HIPK1: variants seen among roughly 807,000 people sequenced by gnomAD.
HIPK1 encodes the protein homeodomain-interacting protein kinase 1.
In HIPK1, 28 loss-of-function variants were observed where a neutral mutation model predicts 117.1. That is an observed-to-expected ratio of 0.24 (90% CI 0.18 to 0.33). The LOEUF is 0.33. Among genes scored for constraint, HIPK1 ranks in the 10% least tolerant of loss-of-function variants. The pLI, the probability that HIPK1 is intolerant of heterozygous loss-of-function variation, is 1.00. For synonymous variants in HIPK1, 605 were observed against 562.5 expected (o/e 1.08, Z -1.07); for missense variants, 1,122 against 1,475.1 (o/e 0.76, Z 3.92).
chr1:113,956,745 C>T lies in HIPK1; in HGVS notation c.1526C>T (p.Pro509Leu), dbSNP rs1478618600. The T allele has an allele frequency of 1.9e-6, 3 of 1,613,814 alleles. No homozygotes were observed. The highest frequency in any genetic ancestry group is 2.5e-6 in the Non-Finnish European group (3 of 1,179,858). Reference sequence around the variant, plus strand: ...ATTGATGCAGATAAGAGAATTACCCCTCTAAAAACTCTTAACCATCAGTTT... The same window carrying T: ...ATTGATGCAGATAAGAGAATTACCCTTCTAAAAACTCTTAACCATCAGTTT... ...LTIDADKRITPLKTLNHQFVT... is the reference protein window; with the variant it reads ...LTIDADKRITLLKTLNHQFVT... The change falls in exon 6 of 16, where the codon CCT (proline) becomes CTT (leucine). Residue 509 changes from proline (P) to leucine (L), a missense_variant. Pro to Leu is a moderately conservative substitution (Grantham distance 98). This residue lies in a region of HIPK1 where 731 missense variants were observed against 860.4 expected (regional missense o/e 0.85). Transcript: ENST00000426820.
intron 2 of HIPK1, among the ~76,000 whole-genome samples, chr1:113,945,047 C>A (rs575876001): frequency 6.6e-6 from 1 of 151,870 alleles, no homozygotes; most frequent in Admixed American, 6.6e-5. Context: ...CGGGGTTTCA[C>A]TGTGTTGCCC....
At chr1:113,971,183 A>G (rs1672800057) in intron 14 of HIPK1, among the ~76,000 whole-genome samples, 1 of 152,238 alleles carries the variant, frequency 6.6e-6, no homozygotes, top group Non-Finnish European at 1.5e-5. Flanking sequence ...CAGTTGTCCC[A>G]TTGCAGACAA....
At chr1:113,962,283 C>A in intron 8 of HIPK1, 34 bp from the exon 9 acceptor site, 1 of 1,607,256 alleles carries the variant, frequency 6.2e-7, no homozygotes, top group Non-Finnish European at 8.5e-7. Flanking sequence ...CCAGACCTTG[C>A]AAAACTATTT....
rs879766512 is a variant in HIPK1 at position 113,948,734 on chromosome 1, GT to G, written c.1077-4021del. On this transcript the variant is annotated intron_variant, in intron 2 of 15. Transcript: ENST00000426820. ...TGAAAAAACTTTCAGCTAATCTTCA[GT>G]TTTTTTTTTTAATTAAATGGGACTT... Among the ~76,000 whole-genome samples, 36 of 146,424 alleles carry G rather than the reference GT, an allele frequency of 2.5e-4. No homozygotes were observed. In the South Asian group the frequency reaches 3.7e-3, roughly 15 times the overall value.
At chr1:113,943,602 A>G (rs1670792876) in intron 2 of HIPK1, among the ~76,000 whole-genome samples, 1 of 152,216 alleles carries the variant, frequency 6.6e-6, no homozygotes, top group African/African-American at 2.4e-5. Flanking sequence ...TTGGTGTACA[A>G]GTATCCTAGT....
intron 14 of HIPK1, 140 bp from the exon 15 acceptor site, chr1:113,971,684 G>A (rs888850287): frequency 1.2e-5 from 8 of 666,808 alleles, no homozygotes; most frequent in Non-Finnish European, 1.9e-5. Flanking sequence ...GGTGATAACA[G>A]GTTATTTTCT....
At chr1:113,943,284 C>A (rs1481999281) in intron 2 of HIPK1, among the ~76,000 whole-genome samples, 1 of 152,224 alleles carries the variant, frequency 6.6e-6, no homozygotes, top group African/African-American at 2.4e-5. Context: ...CAATAACTCC[C>A]TATTCTCTCT....
rs544623879 is a variant in HIPK1 at position 113,969,811 on chromosome 1, A to G, written c.2772-145A>G. The G allele has an allele frequency of 8.7e-6, 7 of 808,216 alleles. No homozygotes were observed. In the East Asian group the frequency reaches 1.5e-4, roughly 17 times the overall value. 50.1% of individuals were successfully genotyped at this position (808,216 alleles called of 1,614,324 possible). A position where few individuals can be genotyped will look rare whatever the true frequency, so the allele number is the denominator to read the frequency against. ...AGTCCCAGCTACTCGGGAGGCTAAG[A>G]TGGGAGGATAGCTTGAGCCCAGGAG... On this transcript the variant is annotated intron_variant, in intron 13 of 15. Coordinates refer to ENST00000426820, the MANE Select transcript of HIPK1 (RefSeq NM_198268.3).
intron 2 of HIPK1, among the ~76,000 whole-genome samples, chr1:113,944,159 GTT>G (rs140161727): frequency 1.8e-4 from 10 of 55,226 alleles, no homozygotes; most frequent in African/African-American, 5.2e-4. Context: ...ATAGCCATGG[GTT>G]TTTTTTTTTT....
Position 113,941,420 on chromosome 1 carries a change from A to G in HIPK1, c.1037A>G (p.Lys346Arg). 1.2e-6 allele frequency: 2 copies of G among 1,614,178 alleles called. No individual in the cohort carries two copies. Among genetic ancestry groups the G allele is most frequent in the East Asian group, 2.2e-5 (1 of 44,890 alleles). Residue 346 changes from lysine to arginine, a missense_variant, in exon 2 of 16, where the codon AAA (lysine) becomes AGA (arginine). By Grantham distance (26) the Lys-to-Arg change is conservative. Transcript: ENST00000426820. This position sits in a 1 kb window ranked among gnomAD's most constrained non-coding sequence, Gnocchi z 4.9. Reference protein sequence around the residue: ...IDFGSASHVSKAVCSTYLQSR... With the variant: ...IDFGSASHVSRAVCSTYLQSR... ...TTTGGTTCTGCTAGTCACGTTTCCA[A>G]AGCTGTGTGCTCAACCTACTTACAG...
rs751726838 is a variant in HIPK1, at chr1:113,954,684, G to A, written c.1234G>A (p.Ala412Thr). The change falls in exon 4 of 16, where the codon GCT becomes ACT. Residue 412 changes from alanine to threonine, a missense_variant. By Grantham distance (58) the Ala-to-Thr change is moderately conservative (BLOSUM62 0). Around this residue, in one of 6 missense-constraint regions of HIPK1, gnomAD observed 127 missense variants for 197.9 expected, o/e 0.64. Transcript: ENST00000426820. Reference sequence around the variant, plus strand: ...TATTTCACAAACACAAGGCTTGCCAGCTGAATATCTTCTCAGTGCCGGAAC... The same window carrying A: ...TATTTCACAAACACAAGGCTTGCCAACTGAATATCTTCTCAGTGCCGGAAC... ...RYISQTQGLP[A>T]EYLLSAGTKT... The A allele has an allele frequency of 6.2e-7, 1 of 1,613,546 alleles. No individual in the cohort carries two copies. Among genetic ancestry groups the A allele is most frequent in the South Asian group, 1.1e-5 (1 of 91,064 alleles).
At chr1:113,962,183 T>G in intron 8 of HIPK1, 134 bp from the exon 9 acceptor site, 1 of 817,334 alleles carries the variant, frequency 1.2e-6, no homozygotes, top group East Asian at 2.8e-5. Context: ...TGAATGAAAC[T>G]TCTTTGTCTT....
At position 113,971,896 on chromosome 1, in the gene HIPK1, C is replaced by T. The variant is rs928764404; in HGVS notation, c.3086C>T (p.Thr1029Ile). ...GQSSGCCITPTGYRAQRGGTS... is the reference protein window; with the variant it reads ...GQSSGCCITPIGYRAQRGGTS... Reference sequence around the variant, plus strand: ...TCATCTGGATGCTGTATCACCCCCACAGGGTATCGAGCTCAACGCGGGGGG... The same window carrying T: ...TCATCTGGATGCTGTATCACCCCCATAGGGTATCGAGCTCAACGCGGGGGG... Residue 1029 changes from threonine to isoleucine, a missense_variant, in exon 15 of 16, where the codon ACA (threonine) becomes ATA (isoleucine). By Grantham distance (89) the Thr-to-Ile change is moderately conservative. This residue lies in a region of HIPK1 where 731 missense variants were observed against 860.4 expected (regional missense o/e 0.85). Coordinates refer to ENST00000426820, the MANE Select transcript of HIPK1 (RefSeq NM_198268.3). The T allele has an allele frequency of 1.2e-6, 2 of 1,606,808 alleles. No homozygotes were observed. The highest frequency in any genetic ancestry group is 1.3e-5 in the African/African-American group (1 of 74,682).
At chr1:113,959,074 T>C (rs1234865928) in intron 8 of HIPK1, among the ~76,000 whole-genome samples, 1 of 152,160 alleles carries the variant, frequency 6.6e-6, no homozygotes, top group Non-Finnish European at 1.5e-5. Context: ...TTTAGAAGAA[T>C]GTTACTTTAA....
intron 2 of HIPK1, among the ~76,000 whole-genome samples, chr1:113,942,919 A>G (rs895375398): frequency 1.3e-5 from 2 of 152,228 alleles, no homozygotes; most frequent in Middle Eastern, 3.2e-3. Flanking sequence ...AACCTATAAA[A>G]TATGTTTATA....
chr1:113,977,658 C>G lies in HIPK1; in HGVS notation c.*4146C>G, dbSNP rs1673208993. 8 of 152,506 alleles carry G rather than the reference C, an allele frequency of 5.2e-5. No individual in the cohort carries two copies. The highest frequency in any genetic ancestry group is 5.2e-4 in the Admixed American group (8 of 15,258). 9.4% of individuals were successfully genotyped at this position (152,506 alleles called of 1,614,324 possible). On this transcript the variant is annotated 3_prime_UTR_variant, in exon 16 of 16. Coordinates refer to ENST00000426820, the MANE Select transcript of HIPK1 (RefSeq NM_198268.3). ...TTAATACTAACTATGGGAAAAGGGTCCATTGTGTAAAACATAGTTTATCTT... is the reference window on the plus strand; with the variant it reads ...TTAATACTAACTATGGGAAAAGGGTGCATTGTGTAAAACATAGTTTATCTT...
intron 2 of HIPK1, 37 bp from the exon 3 acceptor site, chr1:113,952,726 GTTT>G (rs369231621): frequency 7.9e-6 from 8 of 1,007,054 alleles, no homozygotes; most frequent in South Asian, 4.9e-5. Flanking sequence ...CCCAAATAAT[GTTT>G]TTTTTTTTTT....
At chr1:113,963,075 C>G (rs1672228891) in intron 9 of HIPK1, among the ~76,000 whole-genome samples, 1 of 152,142 alleles carries the variant, frequency 6.6e-6, no homozygotes, top group Admixed American at 6.5e-5. Flanking sequence ...AGGAAATTCT[C>G]AAATCCAAAA....
At chr1:113,964,733 T>C (rs1449727299) in intron 10 of HIPK1, among the ~76,000 whole-genome samples, 1 of 152,256 alleles carries the variant, frequency 6.6e-6, no homozygotes, top group African/African-American at 2.4e-5. Flanking sequence ...GAGTCAGATA[T>C]ATTTCCAACT....
Sources: gnomAD v4.1 joint callset for allele counts (sites outside exome capture counted in the v4.1 genomes callset) on GRCh38, gnomAD v4.1.1 for gene constraint, gnomAD v4.1.1 regional missense constraint, Gnocchi (gnomAD v3.1) non-coding constraint, MANE v1.5 for transcripts, NCBI Gene and HGNC (gene_info 2026-07-23, HGNC 2026-07-21) for gene names.